AFAP1: variants seen among roughly 807,000 people sequenced by gnomAD.
The protein encoded by AFAP1 is actin filament-associated protein 1.
A neutral mutation model predicts 93.9 loss-of-function variants in AFAP1; 75 were observed. That is an observed-to-expected ratio of 0.80 (90% confidence interval 0.66 to 0.97). The LOEUF (loss-of-function observed/expected upper bound fraction) is 0.97, where lower values mean the gene tolerates loss of function less well. AFAP1 is among the 50% of genes least tolerant of loss of function. The pLI, the probability that AFAP1 is intolerant of heterozygous loss-of-function variation, is 0.00. For synonymous variants in AFAP1, 517 were observed against 430.7 expected, an observed-to-expected ratio of 1.20 and a Z score of -2.48; for missense variants, 1,201 against 1,050.8, an observed-to-expected ratio of 1.14 and a Z score of -1.98.
At chr4:7,863,914 A>G (rs907279746) in intron 3 of AFAP1, among the ~76,000 whole-genome samples, 16 of 78,644 alleles carry the variant, frequency 2.0e-4, no homozygotes, top group African/African-American at 8.4e-4. Flanking sequence ...GTACACTAAA[A>G]GAGCCCTTCA....
rs569764808 is a variant in AFAP1 at position 7,928,176 on chromosome 4, C to T, written c.-3+11480G>A. Among the ~76,000 whole-genome samples, 6 of 152,254 alleles carry T rather than the reference C, an allele frequency of 3.9e-5. No individual in the cohort carries two copies. The East Asian group carries it at 9.6e-4, about 24-fold the overall frequency. ...GTGCCTTTGGCTAAATGTAAACTGC[C>T]CCAACCCCACTCCAGCACAGCCACC... On this transcript the variant is annotated intron_variant, in intron 1 of 17. Coordinates refer to ENST00000420658, the MANE Select transcript of AFAP1 (RefSeq NM_001134647.2).
chr4:7,804,104 C>T (rs1719289604), intron 9 of AFAP1, among the ~76,000 whole-genome samples: 1 of 152,042 alleles, frequency 6.6e-6, no homozygotes, highest in South Asian at 2.1e-4. Context: ...CAATATTCTC[C>T]CAATCTGACA....
rs994845030 is a variant in AFAP1 at position 7,823,352 on chromosome 4, C to T, written c.727-4181G>A. ...AAAAACAGAAGGAAAGAAACGTAGG[C>T]CATCACTAAAATAAGAAGAGCCTCA... On this transcript the variant is annotated intron_variant, in intron 6 of 17. Coordinates refer to ENST00000420658, the MANE Select transcript of AFAP1 (RefSeq NM_001134647.2). Among the ~76,000 whole-genome samples the T allele has an allele frequency of 2.0e-5, 3 of 152,246 alleles. 1 individual carries two copies. The highest frequency in any genetic ancestry group is 7.2e-5 in the African/African-American group (3 of 41,548).
chr4:7,889,704 T>TTA (rs1553852349), intron 1 of AFAP1, among the ~76,000 whole-genome samples: 3,719 of 144,628 alleles, frequency 0.026, 174 homozygotes, highest in African/African-American at 0.088. Context: ...TTTTTTTTTT[T>TTA]AAAAAAAGAA....
intron 1 of AFAP1, among the ~76,000 whole-genome samples, chr4:7,931,922 G>A (rs1038691245): frequency 4.0e-5 from 6 of 151,824 alleles, no homozygotes; most frequent in South Asian, 2.1e-4. Flanking sequence ...GTGCAGTGGC[G>A]CGATCTTGGC....
At chr4:7,864,167 ACAGGTCC>A (rs1716141969) in intron 3 of AFAP1, among the ~76,000 whole-genome samples, 2 of 125,718 alleles carry the variant, frequency 1.6e-5, no homozygotes, top group Non-Finnish European at 1.7e-5. Context: ...ATCACAACCC[ACAGGTCC>A]TTTGTAATTT....
intron 3 of AFAP1, among the ~76,000 whole-genome samples, chr4:7,859,654 T>C (rs1193565621): frequency 6.6e-6 from 1 of 152,178 alleles, no homozygotes; most frequent in Non-Finnish European, 1.5e-5. Context: ...GTTTAGAAGA[T>C]CTTATCTACC....
intron 11 of AFAP1, among the ~76,000 whole-genome samples, chr4:7,791,815 T>G (rs1717877938): frequency 6.7e-6 from 1 of 148,716 alleles, no homozygotes; most frequent in Non-Finnish European, 1.5e-5. Context: ...ATTGTGCCAC[T>G]GCACTCCAGC....
At chr4:7,798,647 G>A (rs1182173740) in intron 10 of AFAP1, among the ~76,000 whole-genome samples, 1 of 152,212 alleles carries the variant, frequency 6.6e-6, no homozygotes, top group Non-Finnish European at 1.5e-5. Flanking sequence ...TGTCATTCAG[G>A]AAACTGCGTC....
rs76479836 is a variant in AFAP1, at chr4:7,803,453, C to G, written c.1055-2800G>C. On this transcript the variant is annotated intron_variant, in intron 9 of 17. Transcript: ENST00000420658. ...ACCACAGAGGACCCAGTCCCGATCC[C>G]CAAAACCACAGGGGACCCAGTCCCC... Among the ~76,000 whole-genome samples the G allele has an allele frequency of 3.8e-3, 576 of 152,200 alleles. 4 individuals carry two copies. The highest frequency in any genetic ancestry group is 0.013 in the African/African-American group (547 of 41,536).
At chr4:7,932,730 T>C (rs1192365343) in intron 1 of AFAP1, among the ~76,000 whole-genome samples, 1 of 152,122 alleles carries the variant, frequency 6.6e-6, no homozygotes, top group Non-Finnish European at 1.5e-5. Flanking sequence ...GATTTTCCAT[T>C]TAAGAAGGAT....
In AFAP1 at chr4:7,809,956, A is replaced by T. The variant is rs142631685; in HGVS notation, c.905-193T>A. 2.3e-3 allele frequency among the ~76,000 whole-genome samples: 355 copies of T among 152,290 alleles called. 1 individual carries two copies. The highest frequency in any genetic ancestry group is 8.2e-3 in the African/African-American group (339 of 41,590). On this transcript the variant is annotated intron_variant, in intron 8 of 17. Transcript: ENST00000420658. ...TCAATGCAGCCTTGAACTCCTGGGC[A>T]CAACTGATCCTCCCACCTTGGCCTC...
At chr4:7,775,667 T>C (rs148494440) in intron 14 of AFAP1, 1 of 152,166 alleles carries the variant, frequency 6.6e-6, no homozygotes, top group Non-Finnish European at 1.5e-5. Flanking sequence ...AGGAGCGGTA[T>C]CTGGAGCCTG....
chr4:7,917,796 C>A lies in AFAP1; in HGVS notation c.-3+21860G>T, dbSNP rs146792797. On this transcript the variant is annotated intron_variant, in intron 1 of 17. Coordinates refer to ENST00000420658, the MANE Select transcript of AFAP1 (RefSeq NM_001134647.2). ...ACTCCTCTGGTTCTGTGTACCTGCC[C>A]GGGGCTATTAGCTTTCCTCCTGCGT... Among the ~76,000 whole-genome samples, 449 of 152,236 alleles carry A rather than the reference C, an allele frequency of 2.9e-3. 9 individuals are homozygous for A. Among genetic ancestry groups the A allele is most frequent in the East Asian group, 0.025 (128 of 5,172 alleles).
intron 8 of AFAP1, among the ~76,000 whole-genome samples, chr4:7,811,153 G>A (rs1457526540): frequency 6.6e-6 from 1 of 152,174 alleles, no homozygotes; most frequent in Admixed American, 6.5e-5. Flanking sequence ...TGCACTGCAG[G>A]GCTCACTGGA....
At chr4:7,904,807 A>T (rs1719309682) in intron 1 of AFAP1, among the ~76,000 whole-genome samples, 1 of 152,124 alleles carries the variant, frequency 6.6e-6, no homozygotes, top group East Asian at 1.9e-4. Flanking sequence ...CCTGGGCTCA[A>T]GAGATTCTCG....
intron 11 of AFAP1, among the ~76,000 whole-genome samples, chr4:7,788,121 G>A (rs1447757254): frequency 6.6e-6 from 1 of 152,212 alleles, no homozygotes; most frequent in Admixed American, 6.5e-5. Context: ...CTCACGCAGG[G>A]GCAGGTGCCT....
chr4:7,836,281 A>G (rs536768206), intron 6 of AFAP1, among the ~76,000 whole-genome samples: 1 of 152,138 alleles, frequency 6.6e-6, no homozygotes, highest in African/African-American at 2.4e-5. Flanking sequence ...CGGACCTTGA[A>G]AACACGACGC....
At chr4:7,792,806 G>C (rs1011663683) in intron 11 of AFAP1, among the ~76,000 whole-genome samples, 1 of 152,082 alleles carries the variant, frequency 6.6e-6, no homozygotes, top group Non-Finnish European at 1.5e-5. Flanking sequence ...CATTTTTACT[G>C]CTTCCTCAAG....
Sources: allele counts gnomAD v4.1 joint callset (sites outside exome capture counted in the v4.1 genomes callset), GRCh38; gene constraint gnomAD v4.1.1; transcripts MANE v1.5; gene names NCBI Gene and HGNC (gene_info 2026-07-23, HGNC 2026-07-21).